Variants in DCDC1 observed in about 807,000 individuals in gnomAD.
DCDC1 encodes the protein doublecortin domain-containing protein 1.
Under a neutral mutation model 178.3 loss-of-function variants are expected in DCDC1, and 200 were observed. The ratio of observed to expected loss-of-function variants is 1.12; its 90% CI spans 1.00 to 1.26. The LOEUF is 1.26. DCDC1 is among the 50% of genes most tolerant of loss of function. DCDC1 has a pLI of 0.00. For synonymous variants in DCDC1, 690 were observed against 604.8 expected, an observed-to-expected ratio of 1.14 and a Z score of -2.07; for missense variants, 1,983 against 1,749.2, an observed-to-expected ratio of 1.13 and a Z score of -2.38.
chr11:31,112,921 C>T (rs925402699), intron 11 of DCDC1, among the ~76,000 whole-genome samples: 1 of 152,130 alleles, frequency 6.6e-6, no homozygotes. Flanking sequence ...AACTAAGATT[C>T]CTGCTCTCAA....
rs1262151766 is a variant in DCDC1, at chr11:31,232,812, T to A, written c.1221+8638A>T. ...TAGGTTCCAGGTACTGTTTTAAGAATCTTTGGTGGCTCATGCCTGTAATCC... is the reference window on the plus strand; with the variant it reads ...TAGGTTCCAGGTACTGTTTTAAGAAACTTTGGTGGCTCATGCCTGTAATCC... On this transcript the variant is annotated intron_variant, in intron 9 of 38. Transcript: ENST00000684477. Among the ~76,000 whole-genome samples the A allele has an allele frequency of 2.0e-5, 3 of 152,010 alleles. No homozygotes were observed. The East Asian group carries it at 5.8e-4, about 29-fold the overall frequency.
At position 30,949,426 on chromosome 11, in the gene DCDC1, C is replaced by A. The variant is rs187371670; in HGVS notation, c.2715+3019G>T. On this transcript the variant is annotated intron_variant, in intron 21 of 38. Coordinates refer to ENST00000684477, the MANE Select transcript of DCDC1 (RefSeq NM_001387274.1). Reference sequence around the variant, plus strand: ...TTGGTGGGAGTGTAAATTAGTTAAACCATTGTGGAAGACAGTGTGGTGATT... The same window carrying A: ...TTGGTGGGAGTGTAAATTAGTTAAAACATTGTGGAAGACAGTGTGGTGATT... 1.1e-3 allele frequency among the ~76,000 whole-genome samples: 160 copies of A among 152,270 alleles called. 2 individuals are homozygous for A. In the East Asian group the frequency reaches 0.023, roughly 22 times the overall value.
At chr11:31,254,880 C>G (rs920169847) in intron 8 of DCDC1, among the ~76,000 whole-genome samples, 1 of 152,216 alleles carries the variant, frequency 6.6e-6, no homozygotes, top group African/African-American at 2.4e-5. Flanking sequence ...ACCACCACCT[C>G]TATATAGTTC....
rs1400816585 is a variant in DCDC1, at chr11:31,328,224, G to A, written c.57C>T (p.Ser19=). The change falls in exon 3 of 39, where the codon TCC becomes TCT. Residue 19 remains serine (S), a synonymous_variant. Transcript: ENST00000684477. ...ATACTTCCATTGCTTCAGTCAAGAGGGATAAGGAAGACTGAGATAGTGCTT... is the reference window on the plus strand; with the variant it reads ...ATACTTCCATTGCTTCAGTCAAGAGAGATAAGGAAGACTGAGATAGTGCTT... ...HREALSQSSL[S]LLTEAMEVLQ... 1 of 1,608,092 alleles carries A rather than the reference G, an allele frequency of 6.2e-7. No homozygotes were observed.
intron 20 of DCDC1, among the ~76,000 whole-genome samples, chr11:30,973,104 T>C (rs1256223426): frequency 2.0e-5 from 3 of 151,890 alleles, no homozygotes; most frequent in African/African-American, 7.3e-5. Context: ...AAACCCCATC[T>C]CTACTAAAAA....
At chr11:31,347,786 C>T (rs908788199) in intron 1 of DCDC1, among the ~76,000 whole-genome samples, 1 of 152,034 alleles carries the variant, frequency 6.6e-6, no homozygotes, top group Non-Finnish European at 1.5e-5. Flanking sequence ...ATGAGAGAGA[C>T]AAAGGGGCAG....
intron 8 of DCDC1, among the ~76,000 whole-genome samples, chr11:31,257,693 A>AAC (rs60535376): frequency 0.25 from 35,149 of 142,680 alleles, 4,764 homozygotes; most frequent in East Asian, 0.53. Flanking sequence ...CAGATAGGAA[A>AAC]ACACACACAC....
intron 27 of DCDC1, among the ~76,000 whole-genome samples, chr11:30,913,454 T>C (rs1007088310): frequency 6.6e-6 from 1 of 152,062 alleles, no homozygotes; most frequent in Non-Finnish European, 1.5e-5. Context: ...TGTCTGGGTG[T>C]CCCTAGAGGG....
At chr11:31,171,839 C>T (rs1328110597) in intron 9 of DCDC1, among the ~76,000 whole-genome samples, 1 of 152,164 alleles carries the variant, frequency 6.6e-6, no homozygotes, top group Non-Finnish European at 1.5e-5. Context: ...TTCATTCAAA[C>T]AAGTTTCATG....
At chr11:31,160,194 T>G (rs959073926) in intron 9 of DCDC1, among the ~76,000 whole-genome samples, 4 of 152,180 alleles carry the variant, frequency 2.6e-5, no homozygotes, top group Non-Finnish European at 5.9e-5. Flanking sequence ...CATATGTACT[T>G]AAATATCATT....
At position 31,291,248 on chromosome 11, in the gene DCDC1, G is replaced by T. The variant is rs971686840; in HGVS notation, c.755-396C>A. Among the ~76,000 whole-genome samples the T allele has an allele frequency of 3.6e-4, 55 of 152,012 alleles. 1 individual carries two copies. The highest frequency in any genetic ancestry group is 1.2e-3 in the South Asian group (6 of 4,810). ...GTCTTGAACTTTTATGTTCTTTAGGGTTGGGAAACATTTCTCTTCTCTTTA... is the reference window on the plus strand; with the variant it reads ...GTCTTGAACTTTTATGTTCTTTAGGTTTGGGAAACATTTCTCTTCTCTTTA... On this transcript the variant is annotated intron_variant, in intron 6 of 38. Coordinates refer to ENST00000684477, the MANE Select transcript of DCDC1 (RefSeq NM_001387274.1).
At chr11:31,144,065 C>G (rs1964157189) in intron 9 of DCDC1, among the ~76,000 whole-genome samples, 1 of 152,102 alleles carries the variant, frequency 6.6e-6, no homozygotes, top group African/African-American at 2.4e-5. Context: ...TATAATTTGT[C>G]TAAAAGGACA....
At position 30,909,014 on chromosome 11, in the gene DCDC1, T is replaced by C; in HGVS notation, c.3850A>G (p.Ile1284Val). Reference sequence around the variant, plus strand: ...ACACCAGCATAATTTGCTGATGTAATTTCCTTATCCAAGGCAGTGCTATGA... The same window carrying C: ...ACACCAGCATAATTTGCTGATGTAACTTCCTTATCCAAGGCAGTGCTATGA... ...AFHSTALDKE[I>V]TSANYAGVCT... The change falls in exon 29 of 39, where the codon ATT becomes GTT. Residue 1284 changes from isoleucine to valine, a missense_variant. Coordinates refer to ENST00000684477, the MANE Select transcript of DCDC1 (RefSeq NM_001387274.1). 6.2e-7 allele frequency: 1 copy of C among 1,612,034 alleles called. No individual in the cohort carries two copies. The highest frequency in any genetic ancestry group is 8.5e-7 in the Non-Finnish European group (1 of 1,178,638).
At chr11:30,939,044 C>A (rs973253865) in intron 21 of DCDC1, among the ~76,000 whole-genome samples, 1 of 152,124 alleles carries the variant, frequency 6.6e-6, no homozygotes, top group Admixed American at 6.6e-5. Context: ...GACTGGGACT[C>A]CACACTTGCT....
intron 18 of DCDC1, among the ~76,000 whole-genome samples, chr11:31,075,366 C>A (rs994225447): frequency 6.6e-6 from 1 of 152,002 alleles, no homozygotes; most frequent in Non-Finnish European, 1.5e-5. Flanking sequence ...AGTGCATGTA[C>A]CTTTTTGATA....
chr11:31,258,272 G>A (rs1268902792), intron 8 of DCDC1, among the ~76,000 whole-genome samples: 1 of 152,100 alleles, frequency 6.6e-6, no homozygotes, highest in Non-Finnish European at 1.5e-5. Flanking sequence ...TTTAATTAAC[G>A]GAAGTGAAAA....
At chr11:30,945,259 G>A (rs1323955823) in intron 21 of DCDC1, among the ~76,000 whole-genome samples, 2 of 151,764 alleles carry the variant, frequency 1.3e-5, no homozygotes, top group Non-Finnish European at 2.9e-5. Flanking sequence ...GAGCCATCGC[G>A]CCTGGCCAAA....
At chr11:31,127,761 G>C (rs1961856645) in intron 10 of DCDC1, 122 bp from the exon 11 acceptor site, 3 of 587,372 alleles carry the variant, frequency 5.1e-6, no homozygotes. Context: ...TTTGAGTACA[G>C]ATCTATCCTC....
intron 20 of DCDC1, among the ~76,000 whole-genome samples, chr11:30,972,491 G>T (rs1411456303): frequency 1.3e-5 from 2 of 152,150 alleles, no homozygotes; most frequent in East Asian, 3.9e-4. Flanking sequence ...GAAACAAGAG[G>T]ATGATATCTA....
Sources: allele counts gnomAD v4.1 joint callset (sites outside exome capture counted in the v4.1 genomes callset), GRCh38; gene constraint gnomAD v4.1.1; transcripts MANE v1.5; gene names NCBI Gene and HGNC (gene_info 2026-07-23, HGNC 2026-07-21).